Variants in PCLO observed in about 807,000 individuals in gnomAD.
The protein encoded by PCLO is protein piccolo.
In PCLO, 82 loss-of-function variants were observed where a neutral mutation model predicts 427.5. That is an observed-to-expected ratio of 0.19 (90% CI 0.16 to 0.23). The LOEUF is 0.23. Ranked by LOEUF, PCLO falls within the 10% of genes least tolerant of loss-of-function variation. PCLO has a pLI of 1.00. For synonymous variants in PCLO, 2,357 were observed against 2,155.4 expected (o/e 1.09, Z -2.59); for missense variants, 6,239 against 6,115.9 (o/e 1.02, Z -0.67).
chr7:82,853,869 C>T (rs1015718567), intron 10 of PCLO, among the ~76,000 whole-genome samples: 3 of 152,082 alleles, frequency 2.0e-5, no homozygotes, highest in Non-Finnish European at 4.4e-5. Context: ...GTTTTATTTC[C>T]ATCCTATGAT....
At position 82,760,663 on chromosome 7, in the gene PCLO, TAGACTG is replaced by T; in HGVS notation, c.15258_15263del (p.Phe5086_Ser5087del). 1 of 1,605,676 alleles carries T rather than the reference TAGACTG, an allele frequency of 6.2e-7. No individual in the cohort carries two copies. On this transcript the variant is annotated inframe_deletion, in exon 24 of 25. Coordinates refer to ENST00000333891, the MANE Select transcript of PCLO (RefSeq NM_033026.6). ...CCTGAAGAGAATGTCCTGCAGGACT[TAGACTG>T]AATCGAAAAGTTTCATTAAACGAAG...
intron 1 of PCLO, among the ~76,000 whole-genome samples, chr7:83,158,426 T>C (rs1234346462): frequency 6.6e-6 from 1 of 151,974 alleles, no homozygotes; most frequent in African/African-American, 2.4e-5. Context: ...TTAGGGCTGA[T>C]TACAGGTATG....
At chr7:82,976,370 G>A (rs1389023341) in intron 3 of PCLO, among the ~76,000 whole-genome samples, 1 of 152,070 alleles carries the variant, frequency 6.6e-6, no homozygotes, top group African/African-American at 2.4e-5. Context: ...TCAGACTTAA[G>A]CTCCAGCAAT....
chr7:83,067,923 C>G (rs1037603494), intron 3 of PCLO, among the ~76,000 whole-genome samples: 1 of 14,756 alleles, frequency 6.8e-5, no homozygotes, highest in Non-Finnish European at 1.0e-4. Context: ...ACTTTCTGTG[C>G]ATATCTGAAA....
Position 82,826,591 on chromosome 7 carries a change from C to T in PCLO, c.14413G>A (p.Glu4805Lys), listed in dbSNP as rs866839913. The T allele has an allele frequency of 1.3e-6, 2 of 1,599,566 alleles. No individual in the cohort carries two copies. The highest frequency in any genetic ancestry group is 2.2e-5 in the South Asian group (2 of 89,792). The change falls in exon 18 of 25, where the codon GAG becomes AAG. Residue 4805 changes from glutamate (E) to lysine (K), a missense_variant and splice_region_variant. Coordinates refer to ENST00000333891, the MANE Select transcript of PCLO (RefSeq NM_033026.6). ...DRFSSNDFLG[E>K]VLIDLSSTSH... ...GGGAAAGGAAGTCAGAGGCTTACCTCCCCAAGGAAGTCGTTGGATGAAAAT... is the reference window on the plus strand; with the variant it reads ...GGGAAAGGAAGTCAGAGGCTTACCTTCCCAAGGAAGTCGTTGGATGAAAAT...
At chr7:83,017,782 T>A (rs1788244599) in intron 3 of PCLO, 1 of 152,014 alleles carries the variant, frequency 6.6e-6, no homozygotes, top group African/African-American at 2.4e-5. Context: ...GTGAAACACA[T>A]TATACAACAT....
chr7:82,877,027 A>G (rs1372581625), intron 10 of PCLO, among the ~76,000 whole-genome samples: 1 of 152,204 alleles, frequency 6.6e-6, no homozygotes, highest in African/African-American at 2.4e-5. Flanking sequence ...TTGCAAAAAT[A>G]TTAGTTCCGA....
intron 6 of PCLO, among the ~76,000 whole-genome samples, chr7:82,928,908 CA>C (rs1794776596): frequency 6.6e-6 from 1 of 152,080 alleles, no homozygotes; most frequent in African/African-American, 2.4e-5. Flanking sequence ...ATCCTGAGAA[CA>C]GTGGTTTCTG....
chr7:83,030,703 T>C (rs868802547), intron 3 of PCLO, among the ~76,000 whole-genome samples: 1 of 152,276 alleles, frequency 6.6e-6, no homozygotes, highest in African/African-American at 2.4e-5. Context: ...GAATAAAATA[T>C]AAAAATACTA....
intron 9 of PCLO, among the ~76,000 whole-genome samples, chr7:82,896,972 T>G (rs1793920002): frequency 6.6e-6 from 1 of 151,708 alleles, no homozygotes; most frequent in African/African-American, 2.4e-5. Context: ...TTCTTTGGCT[T>G]GTTTCAAACA....
chr7:82,986,316 G>C (rs905357604), intron 3 of PCLO, among the ~76,000 whole-genome samples: 3 of 149,706 alleles, frequency 2.0e-5, no homozygotes, highest in Non-Finnish European at 4.5e-5. Context: ...TTCCCAAACA[G>C]ATTTTTTAAA....
At chr7:82,951,589 G>T in intron 5 of PCLO, 99 bp from the exon 6 acceptor site, 1 of 891,238 alleles carries the variant, frequency 1.1e-6, no homozygotes, top group Non-Finnish European at 1.7e-6. Flanking sequence ...GAATGAGACT[G>T]CATGCAAATC....
chr7:83,133,816 T>C (rs926112566), intron 3 of PCLO, among the ~76,000 whole-genome samples: 2 of 152,088 alleles, frequency 1.3e-5, no homozygotes, highest in Admixed American at 6.5e-5. Context: ...CTTTTATTAA[T>C]GTATTACAGA....
At chr7:82,941,234 C>A (rs1387447164) in intron 6 of PCLO, among the ~76,000 whole-genome samples, 1 of 152,080 alleles carries the variant, frequency 6.6e-6, no homozygotes, top group Non-Finnish European at 1.5e-5. Flanking sequence ...ACTCACCTTA[C>A]CTTCTTTATG....
intron 3 of PCLO, among the ~76,000 whole-genome samples, chr7:83,111,777 T>G (rs903525200): frequency 1.3e-5 from 2 of 152,210 alleles, no homozygotes; most frequent in African/African-American, 4.8e-5. Flanking sequence ...TGTGGCAACT[T>G]GTTACATAGC....
intron 4 of PCLO, among the ~76,000 whole-genome samples, chr7:82,959,769 T>C (rs2115607637): frequency 6.6e-6 from 1 of 151,928 alleles, no homozygotes; most frequent in Non-Finnish European, 1.5e-5. Flanking sequence ...ATTGTTTACC[T>C]ACGGTGGTGA....
rs1792294882 is a variant in PCLO, at chr7:83,156,251, A to G, written c.390T>C (p.Pro130=). ...TTGATTCTTTCAAGCTAATAGTGGAAGGACTCCTCCCAGGCAATTTCTGCT... is the reference window on the plus strand; with the variant it reads ...TTGATTCTTTCAAGCTAATAGTGGAGGGACTCCTCCCAGGCAATTTCTGCT... The part of the protein sequence containing the change: ...RSEQKLPGRS[P]STISLKESKS... Residue 130 remains proline, a synonymous_variant, in exon 2 of 25, where the codon CCT becomes CCC. Coordinates refer to ENST00000333891, the MANE Select transcript of PCLO (RefSeq NM_033026.6). 6.2e-7 allele frequency: 1 copy of G among 1,613,872 alleles called. No individual in the cohort carries two copies. Among genetic ancestry groups the G allele is most frequent in the South Asian group, 1.1e-5 (1 of 91,078 alleles).
chr7:83,132,305 C>T (rs1791594728), intron 3 of PCLO, among the ~76,000 whole-genome samples: 1 of 152,132 alleles, frequency 6.6e-6, no homozygotes. Flanking sequence ...ATAATTTGAA[C>T]AATGAATGAT....
chr7:83,063,973 T>C (rs998533098), intron 3 of PCLO, among the ~76,000 whole-genome samples: 6 of 152,048 alleles, frequency 3.9e-5, no homozygotes, highest in Non-Finnish European at 7.4e-5. Flanking sequence ...TGAGAAAATA[T>C]AAAGTATTTG....
Sources: allele counts gnomAD v4.1 joint callset (sites outside exome capture counted in the v4.1 genomes callset), GRCh38; gene constraint gnomAD v4.1.1; transcripts MANE v1.5; gene names NCBI Gene and HGNC (gene_info 2026-07-23, HGNC 2026-07-21).